Variants in MALRD1 observed in about 807,000 individuals in gnomAD.
The protein encoded by MALRD1 is MAM and LDL receptor class A domain containing 1.
MALRD1 carries 247 observed loss-of-function variants against 242.1 expected under a neutral mutation model. The ratio of observed to expected loss-of-function variants is 1.02; its 90% CI spans 0.92 to 1.13. The LOEUF (loss-of-function observed/expected upper bound fraction) is 1.13. Among genes scored for constraint, MALRD1 ranks in the 50% most tolerant of loss-of-function variants. MALRD1 has a pLI of 0.00. For synonymous variants in MALRD1, 995 were observed against 866.6 expected, an observed-to-expected ratio of 1.15 and a Z score of -2.60; for missense variants, 2,989 against 2,533.1, an observed-to-expected ratio of 1.18 and a Z score of -3.86.
intron 29 of MALRD1, among the ~76,000 whole-genome samples, chr10:19,473,235 C>T (rs1346312269): frequency 6.7e-6 from 1 of 150,076 alleles, no homozygotes; most frequent in African/African-American, 2.4e-5. Flanking sequence ...TGACGTATAC[C>T]CTGCTCCTAT....
At chr10:19,442,847 G>T (rs1187477588) in intron 28 of MALRD1, among the ~76,000 whole-genome samples, 1 of 152,170 alleles carries the variant, frequency 6.6e-6, no homozygotes, top group Non-Finnish European at 1.5e-5. Flanking sequence ...ATGAGTTAGG[G>T]AGGATTCCCT....
intron 26 of MALRD1, among the ~76,000 whole-genome samples, chr10:19,368,830 T>C (rs943327061): frequency 6.6e-6 from 1 of 151,452 alleles, no homozygotes; most frequent in Non-Finnish European, 1.5e-5. Flanking sequence ...AATTCGCTTT[T>C]TCCTGATAGC....
intron 30 of MALRD1, among the ~76,000 whole-genome samples, chr10:19,492,599 C>A (rs914858921): frequency 1.3e-5 from 2 of 152,184 alleles, no homozygotes; most frequent in Non-Finnish European, 2.9e-5. Flanking sequence ...AACATGGTAG[C>A]CACAGGGTGG....
intron 36 of MALRD1, among the ~76,000 whole-genome samples, chr10:19,621,191 A>G (rs1839383817): frequency 6.6e-6 from 1 of 151,632 alleles, no homozygotes; most frequent in African/African-American, 2.4e-5. Context: ...CCAAAAAACA[A>G]CAAAGAAACA....
chr10:19,355,858 T>TATATATATATATAA (rs57813656), intron 26 of MALRD1, among the ~76,000 whole-genome samples: 3 of 94,924 alleles, frequency 3.2e-5, no homozygotes, highest in African/African-American at 1.1e-4. Flanking sequence ...TATATATATA[T>TATATATATATATAA]TATATATGAT....
At chr10:19,681,016 G>A (rs890706219) in intron 36 of MALRD1, among the ~76,000 whole-genome samples, 2 of 152,188 alleles carry the variant, frequency 1.3e-5, no homozygotes, top group Non-Finnish European at 1.5e-5. Flanking sequence ...GAGGTCTGCT[G>A]TTAGTCTGAT....
chr10:19,103,328 G>A (rs1313909406), intron 4 of MALRD1, among the ~76,000 whole-genome samples: 1 of 152,084 alleles, frequency 6.6e-6, no homozygotes, highest in African/African-American at 2.4e-5. Context: ...TTGGGAGGCC[G>A]AGGCGGGCAA....
At chr10:19,143,030 G>T (rs1415309439) in intron 10 of MALRD1, among the ~76,000 whole-genome samples, 1 of 152,232 alleles carries the variant, frequency 6.6e-6, no homozygotes, top group African/African-American at 2.4e-5. Context: ...AGAGGTGGTT[G>T]CACCATGTCA....
At chr10:19,403,212 T>C (rs1207062463) in intron 28 of MALRD1, among the ~76,000 whole-genome samples, 1 of 152,180 alleles carries the variant, frequency 6.6e-6, no homozygotes, top group Non-Finnish European at 1.5e-5. Flanking sequence ...CCTTACATCA[T>C]ATTGTGAATA....
At chr10:19,518,791 G>C (rs1366864913) in intron 31 of MALRD1, among the ~76,000 whole-genome samples, 2 of 151,988 alleles carry the variant, frequency 1.3e-5, no homozygotes, top group Non-Finnish European at 2.9e-5. Flanking sequence ...ACAAACTTTG[G>C]CTTACTACAT....
chr10:19,389,589 T>A lies in MALRD1; in HGVS notation c.4825T>A (p.Ser1609Thr), dbSNP rs934586865. The A allele has an allele frequency of 6.5e-7, 1 of 1,550,226 alleles. No homozygotes were observed. Among genetic ancestry groups the A allele is most frequent in the Non-Finnish European group, 8.7e-7 (1 of 1,146,840 alleles). The change falls in exon 28 of 40, where the codon TCC becomes ACC. Residue 1609 changes from serine to threonine, a missense_variant. Physicochemically the swap from Ser to Thr is moderately conservative, Grantham distance 58. Coordinates refer to ENST00000454679, the MANE Select transcript of MALRD1 (RefSeq NM_001142308.3). ...WYFVSAKATGSIQILIKTEKG... is the reference protein window; with the variant it reads ...WYFVSAKATGTIQILIKTEKG... ...TTTCGTATCTGCAAAGGCCACAGGA[T>A]CCATTCAGATTCTCATCAAGGTAGG... is the stretch of plus-strand genomic sequence containing the variant.
At chr10:19,174,690 A>G (rs1835149443) in intron 13 of MALRD1, among the ~76,000 whole-genome samples, 1 of 152,172 alleles carries the variant, frequency 6.6e-6, no homozygotes, top group African/African-American at 2.4e-5. Flanking sequence ...CAGCATATGA[A>G]TATTATCAAC....
chr10:19,200,316 A>G (rs1836462437), intron 14 of MALRD1, among the ~76,000 whole-genome samples: 1 of 152,186 alleles, frequency 6.6e-6, no homozygotes, highest in Admixed American at 6.5e-5. Flanking sequence ...TCACATGCTC[A>G]GCCTTTGTTA....
chr10:19,321,249 G>A (rs1842906048), intron 21 of MALRD1, among the ~76,000 whole-genome samples: 1 of 152,012 alleles, frequency 6.6e-6, no homozygotes, highest in Non-Finnish European at 1.5e-5. Flanking sequence ...ATTAACATTA[G>A]TTTTCCAATT....
intron 8 of MALRD1, among the ~76,000 whole-genome samples, chr10:19,128,994 A>T (rs1837369083): frequency 6.6e-6 from 1 of 151,938 alleles, no homozygotes; most frequent in South Asian, 2.1e-4. Flanking sequence ...TGCTTTTTCT[A>T]CTCTTACGCA....
Position 19,454,427 on chromosome 10 carries a change from T to TAC in MALRD1, c.5029+3938_5029+3939insCA, listed in dbSNP as rs552667095. ...TATGATATATATATATATATATATA[T>TAC]ATATAATTATATGATACATACATAT... On this transcript the variant is annotated intron_variant, in intron 29 of 39. Transcript: ENST00000454679. Among the ~76,000 whole-genome samples, 1,266 of 138,710 alleles carry TAC rather than the reference T, an allele frequency of 9.1e-3. 112 individuals carry two copies. The highest frequency in any genetic ancestry group is 0.033 in the South Asian group (150 of 4,484). 91.0% of individuals were successfully genotyped at this position (138,710 alleles called of 152,430 possible). A position where few individuals can be genotyped will look rare whatever the true frequency, so the allele number is the denominator to read the frequency against.
chr10:19,334,123 T>TTTG (rs1356226083), intron 24 of MALRD1, among the ~76,000 whole-genome samples: 7 of 141,026 alleles, frequency 5.0e-5, no homozygotes, highest in Non-Finnish European at 9.0e-5. Flanking sequence ...TGGTAGGTTT[T>TTTG]TTTTTTTTTT....
At chr10:19,304,109 C>T (rs1267004290) in intron 21 of MALRD1, among the ~76,000 whole-genome samples, 1 of 151,650 alleles carries the variant, frequency 6.6e-6, no homozygotes, top group Non-Finnish European at 1.5e-5. Flanking sequence ...GAAGATCTGT[C>T]CTCACCAAGT....
chr10:19,130,946 G>T (rs1253764311), intron 8 of MALRD1, among the ~76,000 whole-genome samples: 2 of 152,082 alleles, frequency 1.3e-5, no homozygotes, highest in Non-Finnish European at 1.5e-5. Context: ...TATAAGAAAA[G>T]AAGTTAATCA....
Sources: allele counts gnomAD v4.1 joint callset (sites outside exome capture counted in the v4.1 genomes callset), GRCh38; gene constraint gnomAD v4.1.1; transcripts MANE v1.5; gene names NCBI Gene and HGNC (gene_info 2026-07-23, HGNC 2026-07-21).